Variants in ADAMTSL2 observed in about 807,000 individuals in gnomAD.
ADAMTSL2 encodes ADAMTS-like protein 2.
Under a neutral mutation model 117.0 loss-of-function variants are expected in ADAMTSL2, and 55 were observed. The ratio of observed to expected loss-of-function variants is 0.47; its 90% CI spans 0.38 to 0.59. The LOEUF (loss-of-function observed/expected upper bound fraction) is 0.59. Among genes scored for constraint, ADAMTSL2 ranks in the 20% least tolerant of loss-of-function variants. The probability of loss-of-function intolerance (pLI) is 0.00; values close to 1 mark genes in which losing one functional copy is unlikely to be tolerated. For missense variants in ADAMTSL2, 1,182 were observed against 1,354.5 expected (o/e 0.87, Z 2.00); for synonymous variants, 572 against 566.4 (o/e 1.01, Z -0.14).
intron 12 of ADAMTSL2, among the ~76,000 whole-genome samples, chr9:133,562,725 C>T (rs1830767112): frequency 7.2e-6 from 1 of 139,088 alleles, no homozygotes. Context: ...GCCAGGCTCG[C>T]ACCGCCGTGG....
chr9:133,566,681 G>A (rs922415146), intron 12 of ADAMTSL2, among the ~76,000 whole-genome samples: 6 of 151,606 alleles, frequency 4.0e-5, no homozygotes, highest in African/African-American at 9.7e-5. Context: ...CTCAAAGCCC[G>A]GACTCCGTGA....
In ADAMTSL2 at chr9:133,558,340, C is replaced by G. The variant is rs1830653720; in HGVS notation, c.1649+2410C>G. Among the ~76,000 whole-genome samples the G allele has an allele frequency of 6.6e-6, 1 of 152,164 alleles. No homozygotes were observed. The highest frequency in any genetic ancestry group is 1.5e-5 in the Non-Finnish European group (1 of 68,032). ...CAGGCCAAAATAGCCACGTCTCGGC[C>G]GAGTTGTCCAAACACAGGAAGTCGT... is the stretch of plus-strand genomic sequence containing the variant. On this transcript the variant is annotated intron_variant, in intron 11 of 18. Coordinates refer to ENST00000651351, the MANE Select transcript of ADAMTSL2 (RefSeq NM_014694.4). This position sits in a 1 kb window ranked among gnomAD's most constrained non-coding sequence, Gnocchi z 4.3.
chr9:133,564,572 G>C (rs1173147592), intron 12 of ADAMTSL2, among the ~76,000 whole-genome samples: 1 of 111,598 alleles, frequency 9.0e-6, no homozygotes, highest in East Asian at 2.9e-4. Context: ...GAGAGGGAGA[G>C]GGAGAGAGAA....
chr9:133,544,290 G>A (rs1325321698), intron 7 of ADAMTSL2, among the ~76,000 whole-genome samples, 180 bp from the exon 8 acceptor site: 1 of 152,182 alleles, frequency 6.6e-6, no homozygotes, highest in Non-Finnish European at 1.5e-5. Flanking sequence ...CAGGTGCCCA[G>A]CTTGGTGAGT....
At chr9:133,539,653 A>ACGGCTGTCCCGGCTATCC in intron 4 of ADAMTSL2, 118 bp from the exon 5 acceptor site, 2 of 686,566 alleles carry the variant, frequency 2.9e-6, no homozygotes, top group Non-Finnish European at 5.0e-6. Context: ...TGGCCCCCGC[A>ACGGCTGTCCCGGCTATCC]CGGCTGTCCC....
intron 8 of ADAMTSL2, among the ~76,000 whole-genome samples, chr9:133,544,976 G>T (rs1396950754): frequency 6.7e-6 from 1 of 150,078 alleles, no homozygotes; most frequent in Non-Finnish European, 1.5e-5. Flanking sequence ...CAGGTCTGGG[G>T]TCTCATGCTG....
intron 12 of ADAMTSL2, among the ~76,000 whole-genome samples, chr9:133,565,696 C>T (rs373856507): frequency 1.3e-4 from 20 of 152,350 alleles, no homozygotes; most frequent in African/African-American, 2.6e-4. Context: ...AGGCAGGAGC[C>T]GCTGGCCTGC....
rs1272048520 is a variant in ADAMTSL2, at chr9:133,573,938, C to G, written c.2688C>G (p.Pro896=). The G allele has an allele frequency of 1.2e-6, 2 of 1,614,036 alleles. No homozygotes were observed. The highest frequency in any genetic ancestry group is 1.7e-6 in the Non-Finnish European group (2 of 1,180,018). The change falls in exon 18 of 19, where the codon CCC becomes CCG. Residue 896 remains proline (P), a synonymous_variant. Transcript: ENST00000651351. The part of the protein sequence containing the change: ...IVRGCDPLVK[P]VGRQACDLQP... ...GTGGTTGCGATCCGTTGGTGAAGCC[C>G]GTTGGCAGACAGGCCTGTGATCTGC...
chr9:133,559,510 A>ATTTTTT (rs35999438), intron 11 of ADAMTSL2, among the ~76,000 whole-genome samples: 1 of 141,546 alleles, frequency 7.1e-6, no homozygotes. Context: ...CACCCGGTGA[A>ATTTTTT]TTTTTTTTTT....
chr9:133,564,207 A>G (rs1427928324), intron 12 of ADAMTSL2, among the ~76,000 whole-genome samples: 2 of 78,846 alleles, frequency 2.5e-5, no homozygotes, highest in African/African-American at 5.0e-5. Context: ...AGGGAGAGAG[A>G]GAGAGGGAGA....
chr9:133,540,275 G>A (rs1056158744), intron 5 of ADAMTSL2, among the ~76,000 whole-genome samples: 1 of 152,216 alleles, frequency 6.6e-6, no homozygotes, highest in African/African-American at 2.4e-5. Context: ...CACCCGCAAG[G>A]GCCAGGGCTG....
Position 133,567,068 on chromosome 9 carries a change from T to A in ADAMTSL2, c.1874+6T>A. The A allele has an allele frequency of 6.2e-7, 1 of 1,605,040 alleles. No individual in the cohort carries two copies. The highest frequency in any genetic ancestry group is 8.5e-7 in the Non-Finnish European group (1 of 1,179,176). On this transcript the variant is annotated splice_donor_region_variant and intron_variant, in intron 13 of 18. Coordinates refer to ENST00000651351, the MANE Select transcript of ADAMTSL2 (RefSeq NM_014694.4). The stretch of plus-strand genomic sequence containing the variant: ...GGGAGGGAGTGCCAGCCCAGGTACC[T>A]GCCACCAGGGGCCCTGGGCAGGGGG...
In ADAMTSL2 at chr9:133,568,420, C is replaced by T. The variant is rs534165083; in HGVS notation, c.2022C>T (p.Pro674=). 221,749 of 1,607,742 alleles carry T rather than the reference C, an allele frequency of 0.14. 16,633 individuals carry two copies. Among genetic ancestry groups the T allele is most frequent in the Non-Finnish European group, 0.15 (179,799 of 1,177,834 alleles). ...DLCEAAEAVR[P]EERKTCRNPA... Reference sequence around the variant, plus strand: ...GCGAGGCAGCCGAGGCCGTGCGGCCCGAGGAACGCAAGACCTGCCGGAACC... The same window carrying T: ...GCGAGGCAGCCGAGGCCGTGCGGCCTGAGGAACGCAAGACCTGCCGGAACC... The change falls in exon 14 of 19, where the codon CCC becomes CCT. Residue 674 remains proline (P), a synonymous_variant. Transcript: ENST00000651351.
In ADAMTSL2 at chr9:133,557,542, A is replaced by T. The variant is rs918964067; in HGVS notation, c.1649+1612A>T. Among the ~76,000 whole-genome samples, 6 of 151,930 alleles carry T rather than the reference A, an allele frequency of 3.9e-5. No homozygotes were observed. Among genetic ancestry groups the T allele is most frequent in the Non-Finnish European group, 8.8e-5 (6 of 67,968 alleles). On this transcript the variant is annotated intron_variant, in intron 11 of 18. Coordinates refer to ENST00000651351, the MANE Select transcript of ADAMTSL2 (RefSeq NM_014694.4). The surrounding 1 kb of genome is among the most constrained non-coding windows in gnomAD (Gnocchi z 5.2). ...TTTGGGTATAGTGTCTGAGTCTGAG[A>T]GGGGGTCCTGGGTAAAGGGCAGGAG...
intron 12 of ADAMTSL2, among the ~76,000 whole-genome samples, chr9:133,562,687 G>T (rs185656911): frequency 0.033 from 4,298 of 131,750 alleles, 266 homozygotes; most frequent in Non-Finnish European, 0.057. Flanking sequence ...TCGCACCGCC[G>T]TGGGCGGCGT....
intron 4 of ADAMTSL2, among the ~76,000 whole-genome samples, chr9:133,539,550 C>T (rs1011692337): frequency 9.7e-5 from 14 of 143,822 alleles, no homozygotes; most frequent in East Asian, 6.5e-4. Context: ...GGAGGGCTGG[C>T]GTGGGGGGCG....
In ADAMTSL2 at chr9:133,561,215, G is replaced by A. The variant is rs1830720460; in HGVS notation, c.1667G>A (p.Arg556His). The change falls in exon 12 of 19, where the codon CGC becomes CAC. Residue 556 changes from arginine to histidine, a missense_variant. Physicochemically the swap from Arg to His is conservative, Grantham distance 29. This residue lies in a region of ADAMTSL2 where 345 missense variants were observed against 325.8 expected (regional missense o/e 1.06). Coordinates refer to ENST00000651351, the MANE Select transcript of ADAMTSL2 (RefSeq NM_014694.4). ...THKARTRPKARKQGVSPADMY... is the reference protein window; with the variant it reads ...THKARTRPKAHKQGVSPADMY... ...GCTTTCAGGACCAGGCCCAAGGCGC[G>A]CAAGCAAGGCGTGAGTCCCGCGGAC... is the stretch of plus-strand genomic sequence containing the variant. The A allele has an allele frequency of 6.2e-6, 10 of 1,607,366 alleles. No homozygotes were observed. The highest frequency in any genetic ancestry group is 4.0e-5 in the African/African-American group (3 of 75,014).
chr9:133,565,984 G>T (rs1830963995), intron 12 of ADAMTSL2, among the ~76,000 whole-genome samples: 2 of 152,208 alleles, frequency 1.3e-5, no homozygotes, highest in South Asian at 4.1e-4. Flanking sequence ...CTGTGTGGCA[G>T]TTCGGTACCA....
chr9:133,559,904 A>G (rs918077596), intron 11 of ADAMTSL2, among the ~76,000 whole-genome samples: 12 of 152,152 alleles, frequency 7.9e-5, no homozygotes, highest in African/African-American at 2.9e-4. Context: ...TCACTGCTGA[A>G]GCTCCTGTGG....
Sources: allele counts gnomAD v4.1 joint callset (sites outside exome capture counted in the v4.1 genomes callset), GRCh38; gene constraint gnomAD v4.1.1; regional missense constraint gnomAD v4.1.1; non-coding constraint Gnocchi (gnomAD v3.1); transcripts MANE v1.5; gene names NCBI Gene and HGNC (gene_info 2026-07-23, HGNC 2026-07-21).